Variants in CHN2 observed in about 807,000 individuals in gnomAD.
The protein encoded by CHN2 is beta-chimaerin.
Under a neutral mutation model 56.3 loss-of-function variants are expected in CHN2, and 35 were observed. The ratio of observed to expected loss-of-function variants is 0.62; its 90% CI spans 0.47 to 0.82. CHN2 has a LOEUF of 0.82. Ranked by LOEUF, CHN2 falls within the 40% of genes least tolerant of loss-of-function variation. The pLI, the probability that CHN2 is intolerant of heterozygous loss-of-function variation, is 0.00. For synonymous variants in CHN2, 210 were observed against 212.8 expected, an observed-to-expected ratio of 0.99 and a Z score of 0.12; for missense variants, 491 against 580.5, an observed-to-expected ratio of 0.85 and a Z score of 1.58.
chr7:29,424,820 A>C (rs1804690550), intron 6 of CHN2, among the ~76,000 whole-genome samples: 1 of 152,196 alleles, frequency 6.6e-6, no homozygotes, highest in Non-Finnish European at 1.5e-5. Flanking sequence ...AGTTCAGCAC[A>C]GTCTGGTCAG....
intron 6 of CHN2, among the ~76,000 whole-genome samples, chr7:29,442,213 A>G (rs946613435): frequency 6.6e-6 from 1 of 152,220 alleles, no homozygotes; most frequent in Non-Finnish European, 1.5e-5. Flanking sequence ...AAATCTGGAA[A>G]GAAAGGAAAG....
At chr7:29,432,945 G>C (rs1477522878) in intron 6 of CHN2, among the ~76,000 whole-genome samples, 1 of 152,198 alleles carries the variant, frequency 6.6e-6, no homozygotes, top group Non-Finnish European at 1.5e-5. Context: ...GCATTCTTCT[G>C]TTGGCGACAG....
upstream of CHN2, among the ~76,000 whole-genome samples, chr7:29,191,361 C>A (rs2128754627): frequency 6.6e-6 from 1 of 152,324 alleles, no homozygotes; most frequent in African/African-American, 2.4e-5. Context: ...GAGTTATTTT[C>A]TGCCTTGGGA....
intron 7 of CHN2, among the ~76,000 whole-genome samples, chr7:29,489,460 A>G (rs538325354): frequency 6.6e-6 from 1 of 152,268 alleles, no homozygotes; most frequent in African/African-American, 2.4e-5. Context: ...GTATATTTCA[A>G]TGAAAGAGTA....
chr7:29,148,840 G>A (rs184805845), intron 2 of CHN2, among the ~76,000 whole-genome samples: 268 of 152,280 alleles, frequency 1.8e-3, no homozygotes, highest in Middle Eastern at 3.4e-3. Context: ...CTGTAATTGG[G>A]GCTGATAAAG....
intron 6 of CHN2, chr7:29,479,946 ATCAC>A: frequency 6.9e-7 from 1 of 1,444,876 alleles, no homozygotes; most frequent in Non-Finnish European, 9.0e-7. Context: ...GGCCCCCTCC[ATCAC>A]TCAAACTGGG....
At chr7:29,491,660 C>T (rs1356290680) in intron 7 of CHN2, among the ~76,000 whole-genome samples, 1 of 152,194 alleles carries the variant, frequency 6.6e-6, no homozygotes, top group African/African-American at 2.4e-5. Flanking sequence ...CCTACCTTGA[C>T]CTCCCAAAGC....
At chr7:29,416,411 T>C (rs919228861) in intron 6 of CHN2, among the ~76,000 whole-genome samples, 5 of 152,246 alleles carry the variant, frequency 3.3e-5, no homozygotes, top group Non-Finnish European at 7.3e-5. Context: ...AGCAAAGGTT[T>C]TCTTCCAACT....
intron 1 of CHN2, among the ~76,000 whole-genome samples, chr7:29,352,464 G>A (rs1417844834): frequency 6.6e-6 from 1 of 152,178 alleles, no homozygotes; most frequent in East Asian, 1.9e-4. Flanking sequence ...GCTCATGCCT[G>A]TAATCCCAGC....
chr7:29,329,362 A>G (rs4722899), intron 1 of CHN2, among the ~76,000 whole-genome samples: 1 of 113,232 alleles, frequency 8.8e-6, no homozygotes, highest in Non-Finnish European at 1.7e-5. Flanking sequence ...CTAGCTTTAA[A>G]CCTTCAGATA....
chr7:29,268,251 T>TA (rs1308398543), intron 1 of CHN2, among the ~76,000 whole-genome samples: 1 of 145,290 alleles, frequency 6.9e-6, no homozygotes, highest in Non-Finnish European at 1.5e-5. Flanking sequence ...TAATGGTTTT[T>TA]AAAAAATGTC....
chr7:29,456,582 T>G (rs1478771616), intron 6 of CHN2, among the ~76,000 whole-genome samples: 1 of 151,210 alleles, frequency 6.6e-6, no homozygotes, highest in Non-Finnish European at 1.5e-5. Context: ...TCGTTCAAAA[T>G]GCAGATTCCT....
intron 1 of CHN2, among the ~76,000 whole-genome samples, chr7:29,263,163 G>C (rs1229771007): frequency 3.3e-5 from 5 of 152,134 alleles, no homozygotes; most frequent in Admixed American, 3.3e-4. Flanking sequence ...CGAGTGCCTG[G>C]GATTGCAGGC....
chr7:29,289,507 G>A (rs1357292183), intron 1 of CHN2, among the ~76,000 whole-genome samples: 1 of 152,200 alleles, frequency 6.6e-6, no homozygotes, highest in Non-Finnish European at 1.5e-5. Flanking sequence ...AGGCACACAT[G>A]CTTTGCCCTC....
At chr7:29,332,356 C>G (rs891021609) in intron 1 of CHN2, among the ~76,000 whole-genome samples, 6 of 152,208 alleles carry the variant, frequency 3.9e-5, no homozygotes, top group Admixed American at 1.3e-4. Context: ...ACAGAGCACT[C>G]TAAATACAGC....
chr7:29,439,464 C>G (rs1214368528), intron 6 of CHN2, among the ~76,000 whole-genome samples: 1 of 152,170 alleles, frequency 6.6e-6, no homozygotes, highest in African/African-American at 2.4e-5. Context: ...TCTTCTTCCC[C>G]ACAAGATCTT....
intron 12 of CHN2, 199 bp downstream of exon 12, chr7:29,509,605 G>A (rs1791039264): frequency 1.4e-5 from 6 of 442,516 alleles, no homozygotes; most frequent in Non-Finnish European, 2.5e-5. Flanking sequence ...AGCACTTTGG[G>A]AGGCCGAGGT....
intron 1 of CHN2, among the ~76,000 whole-genome samples, chr7:29,328,035 A>G (rs1795945157): frequency 6.6e-6 from 1 of 152,150 alleles, no homozygotes; most frequent in African/African-American, 2.4e-5. Flanking sequence ...AAGCTGAGAT[A>G]CTCCATAGGC....
At chr7:29,498,738 C>G (rs1789582494) in intron 8 of CHN2, among the ~76,000 whole-genome samples, 1 of 145,980 alleles carries the variant, frequency 6.9e-6, no homozygotes, top group Non-Finnish European at 1.5e-5. Flanking sequence ...CAGAATGTAG[C>G]AGAATGTAGA....
Sources: allele counts gnomAD v4.1 joint callset (sites outside exome capture counted in the v4.1 genomes callset), GRCh38; gene constraint gnomAD v4.1.1; transcripts MANE v1.5; gene names NCBI Gene and HGNC (gene_info 2026-07-23, HGNC 2026-07-21).